Variants in ITPR1 observed in about 807,000 individuals in gnomAD.
The protein encoded by ITPR1 is inositol 1,4,5-trisphosphate-gated calcium channel ITPR1.
ITPR1 carries 96 observed loss-of-function variants against 318.4 expected under a neutral mutation model. The ratio of observed to expected loss-of-function variants is 0.30; its 90% CI spans 0.26 to 0.36. The LOEUF (loss-of-function observed/expected upper bound fraction) is 0.36. Ranked by LOEUF, ITPR1 falls within the 10% of genes least tolerant of loss-of-function variation. ITPR1 has a pLI of 1.00. For synonymous variants in ITPR1, 1,312 were observed against 1,289.9 expected (o/e 1.02, Z -0.37); for missense variants, 2,440 against 3,460.2 (o/e 0.71, Z 7.40).
At chr3:4,781,809 C>T (rs978621774) in intron 49 of ITPR1, among the ~76,000 whole-genome samples, 2 of 152,094 alleles carry the variant, frequency 1.3e-5, no homozygotes, top group African/African-American at 4.8e-5. Context: ...ATAGTGAGAC[C>T]TTGTGTTTAC....
At chr3:4,671,813 T>A (rs2094091340) in intron 20 of ITPR1, 1 of 152,258 alleles carries the variant, frequency 6.6e-6, no homozygotes, top group East Asian at 1.9e-4. Context: ...TTCTGTTCTT[T>A]CATTCATGTG....
intron 4 of ITPR1, among the ~76,000 whole-genome samples, chr3:4,541,898 A>G (rs1022306118): frequency 6.6e-6 from 1 of 152,196 alleles, no homozygotes; most frequent in Admixed American, 6.5e-5. Context: ...CGCAAGGATT[A>G]TAGGCATGAG....
At chr3:4,735,375 CTGGTA>C in intron 44 of ITPR1, 21 bp downstream of exon 44, 2 of 1,598,000 alleles carry the variant, frequency 1.3e-6, no homozygotes, top group Non-Finnish European at 1.7e-6. Context: ...AGCTTGGCTA[CTGGTA>C]TGGCATCCCT....
intron 4 of ITPR1, among the ~76,000 whole-genome samples, chr3:4,567,491 C>T (rs17758821): frequency 6.6e-5 from 10 of 151,962 alleles, no homozygotes; most frequent in Middle Eastern, 3.4e-3. Context: ...GACTCCAAGT[C>T]GAAACTGAGA....
At chr3:4,494,998 A>T (rs2080438877) in intron 2 of ITPR1, among the ~76,000 whole-genome samples, 1 of 152,190 alleles carries the variant, frequency 6.6e-6, no homozygotes, top group Non-Finnish European at 1.5e-5. Flanking sequence ...TAAAAAGGGA[A>T]GTGAGTTATT....
chr3:4,531,799 T>C (rs1380408401), intron 4 of ITPR1, among the ~76,000 whole-genome samples: 1 of 152,104 alleles, frequency 6.6e-6, no homozygotes, highest in Non-Finnish European at 1.5e-5. Context: ...ATCTCAGGCA[T>C]CTCCTCTGGG....
In ITPR1 at chr3:4,710,719, C is replaced by CCATT. The variant is rs750954229; in HGVS notation, c.4991+259_4991+262dup. Among the ~76,000 whole-genome samples, 9 of 151,956 alleles carry CCATT rather than the reference C, an allele frequency of 5.9e-5. No individual in the cohort carries two copies. Among genetic ancestry groups the CCATT allele is most frequent in the African/African-American group, 1.2e-4 (5 of 41,348 alleles). ...AGAAGTTCTTATTTTCACTGCATGC[C>CCATT]CATTCATTCATTCATTACAGTGCAC... On this transcript the variant is annotated intron_variant, in intron 38 of 61. Coordinates refer to ENST00000649015, the MANE Select transcript of ITPR1 (RefSeq NM_001378452.1). This position sits in a 1 kb window ranked among gnomAD's most constrained non-coding sequence, Gnocchi z 4.2.
intron 2 of ITPR1, among the ~76,000 whole-genome samples, chr3:4,495,113 G>C (rs1295168626): frequency 6.6e-6 from 1 of 152,186 alleles, no homozygotes; most frequent in Non-Finnish European, 1.5e-5. Flanking sequence ...TATGAGCTGA[G>C]AGCAGCATTT....
intron 4 of ITPR1, among the ~76,000 whole-genome samples, chr3:4,615,349 C>T (rs2092342444): frequency 6.7e-6 from 1 of 150,190 alleles, no homozygotes; most frequent in South Asian, 2.1e-4. Context: ...GGGGAGAGGA[C>T]TTGCCTTTCC....
chr3:4,579,549 G>A (rs532402517), intron 4 of ITPR1, among the ~76,000 whole-genome samples: 52 of 152,158 alleles, frequency 3.4e-4, no homozygotes, highest in Admixed American at 7.9e-4. Context: ...TTCTGGCTTT[G>A]CTTAGAGAAA....
rs974610729 is a variant in ITPR1, at chr3:4,638,399, G to A, written c.280-985G>A. Among the ~76,000 whole-genome samples, 36 of 152,156 alleles carry A rather than the reference G, an allele frequency of 2.4e-4. 1 individual carries two copies. The highest frequency in any genetic ancestry group is 8.4e-4 in the African/African-American group (35 of 41,428). ...CCCGTTGCCCTTTACCATTATTGTA[G>A]TGTGGTAACAGTGCTTTCAGAGTTG... is the stretch of plus-strand genomic sequence containing the variant. On this transcript the variant is annotated intron_variant, in intron 5 of 61. Transcript: ENST00000649015.
chr3:4,667,573 C>T, intron 18 of ITPR1, 24 bp downstream of exon 18: 1 of 1,598,460 alleles, frequency 6.3e-7, no homozygotes, highest in Non-Finnish European at 8.5e-7. Context: ...GGGGTCCATG[C>T]AGGATGGTGT....
rs780138157 is a variant in ITPR1, at chr3:4,800,561, C to T, written c.7068C>T (p.Val2356=). 48 of 1,613,890 alleles carry T rather than the reference C, an allele frequency of 3.0e-5. No homozygotes were observed. The highest frequency in any genetic ancestry group is 3.3e-4 in the Middle Eastern group (2 of 6,084). Residue 2356 remains valine, a synonymous_variant, in exon 54 of 62, where the codon GTC becomes GTT. Transcript: ENST00000649015. ...CAATTCTACGACTGATATTTTCAGT[C>T]GGGTTACAACCCACGTTGTTTCTTC... ...ASTILRLIFS[V]GLQPTLFLLG...
intron 4 of ITPR1, among the ~76,000 whole-genome samples, chr3:4,597,331 A>G (rs115166080): frequency 0.017 from 2,599 of 152,322 alleles, 73 homozygotes; most frequent in African/African-American, 0.059. Flanking sequence ...TGTTTTTTAA[A>G]TGAAGCTACT....
chr3:4,802,064 G>A (rs1290284680), intron 54 of ITPR1, among the ~76,000 whole-genome samples: 3 of 152,284 alleles, frequency 2.0e-5, no homozygotes, highest in Non-Finnish European at 2.9e-5. Flanking sequence ...CATATTCCAC[G>A]TTGATAAATA....
chr3:4,551,430 C>G (rs1236214321), intron 4 of ITPR1, among the ~76,000 whole-genome samples: 2 of 152,190 alleles, frequency 1.3e-5, no homozygotes, highest in East Asian at 3.9e-4. Context: ...ATAGCTTCAG[C>G]ATACAGGGTT....
chr3:4,547,138 G>T (rs1159821757), intron 4 of ITPR1, among the ~76,000 whole-genome samples: 1 of 152,166 alleles, frequency 6.6e-6, no homozygotes, highest in Non-Finnish European at 1.5e-5. Context: ...TTATAGTACG[G>T]TTGTAGTTAC....
chr3:4,756,168 A>G (rs1422990204), intron 44 of ITPR1, among the ~76,000 whole-genome samples: 1 of 152,148 alleles, frequency 6.6e-6, no homozygotes, highest in East Asian at 1.9e-4. Context: ...GAAATGCTTT[A>G]TGTGGAAAGG....
chr3:4,624,258 A>G (rs1006923839), intron 4 of ITPR1, among the ~76,000 whole-genome samples: 8 of 152,230 alleles, frequency 5.3e-5, no homozygotes, highest in Non-Finnish European at 1.0e-4. Context: ...CATTTGGTCC[A>G]TAAAGTAAGT....
Sources: gnomAD v4.1 joint callset for allele counts (sites outside exome capture counted in the v4.1 genomes callset) on GRCh38, gnomAD v4.1.1 for gene constraint, Gnocchi (gnomAD v3.1) non-coding constraint, MANE v1.5 for transcripts, NCBI Gene and HGNC (gene_info 2026-07-23, HGNC 2026-07-21) for gene names.